The following ABCA12 variants were observed in gnomAD, a reference collection of about 807,000 sequenced individuals.
The protein encoded by ABCA12 is ATP binding cassette subfamily A member 12, also known as glucosylceramide transporter ABCA12.
A neutral mutation model predicts 293.5 loss-of-function variants in ABCA12; 156 were observed. The ratio of observed to expected loss-of-function variants is 0.53; its 90% CI spans 0.47 to 0.61. The LOEUF is 0.61. ABCA12 is among the 20% of genes least tolerant of loss of function. The pLI is 0.00. For synonymous variants in ABCA12, 1,063 were observed against 1,108.0 expected (o/e 0.96, Z 0.81); for missense variants, 2,797 against 3,090.2 (o/e 0.91, Z 2.25).
intron 33 of ABCA12, 82 bp from the exon 34 acceptor site, chr2:214,976,119 G>C: frequency 1.3e-6 from 2 of 1,539,802 alleles, no homozygotes; most frequent in Non-Finnish European, 1.8e-6. Flanking sequence ...TATATAAATG[G>C]TATAATACAC....
Position 215,105,277 on chromosome 2 carries a change from A to C in ABCA12, c.163+6320T>G, listed in dbSNP as rs73074491. On this transcript the variant is annotated intron_variant, in intron 2 of 52. Coordinates refer to ENST00000272895, the MANE Select transcript of ABCA12 (RefSeq NM_173076.3). Reference sequence around the variant, plus strand: ...AAAATTGATTGGGGTTTGAGTGATCAGACAAGGCTAAATGGGAGTACCCTG... The same window carrying C: ...AAAATTGATTGGGGTTTGAGTGATCCGACAAGGCTAAATGGGAGTACCCTG... Among the ~76,000 whole-genome samples the C allele has an allele frequency of 4.5e-3, 685 of 152,296 alleles. 9 individuals are homozygous for C. The highest frequency in any genetic ancestry group is 0.016 in the African/African-American group (665 of 41,574).
At chr2:214,978,110 T>C (rs1013472253) in intron 33 of ABCA12, among the ~76,000 whole-genome samples, 1 of 152,182 alleles carries the variant, frequency 6.6e-6, no homozygotes, top group African/African-American at 2.4e-5. Flanking sequence ...TCTTTCACAT[T>C]CTTCAAAGTA....
At chr2:214,940,666 G>A (rs1277335920) in intron 50 of ABCA12, among the ~76,000 whole-genome samples, 1 of 152,124 alleles carries the variant, frequency 6.6e-6, no homozygotes, top group Non-Finnish European at 1.5e-5. Context: ...GGTCTATTGA[G>A]GGATTTGACT....
At chr2:215,086,937 A>G (rs572019013) in intron 2 of ABCA12, among the ~76,000 whole-genome samples, 2 of 150,954 alleles carry the variant, frequency 1.3e-5, no homozygotes, top group African/African-American at 4.9e-5. Flanking sequence ...TATTATTATT[A>G]TTATTATTAT....
intron 1 of ABCA12, among the ~76,000 whole-genome samples, chr2:215,114,096 T>A (rs1436485608): frequency 6.6e-6 from 1 of 152,144 alleles, no homozygotes; most frequent in Non-Finnish European, 1.5e-5. Context: ...TGCCTCAGCC[T>A]CCAGAGTAGC....
chr2:215,095,751 C>T (rs1289820795), intron 2 of ABCA12, among the ~76,000 whole-genome samples: 4 of 136,816 alleles, frequency 2.9e-5, no homozygotes, highest in East Asian at 1.9e-4. Flanking sequence ...TGAAAATGAC[C>T]GGTTCCTGCC....
rs1423637299 is a variant in ABCA12, at chr2:215,070,388, T to A, written c.164-6169A>T. 2.0e-5 allele frequency among the ~76,000 whole-genome samples: 3 copies of A among 151,888 alleles called. 1 individual carries two copies. Among genetic ancestry groups the A allele is most frequent in the South Asian group, 2.1e-4 (1 of 4,810 alleles). ...AAAAATCGTTCATCTTTTTTTTAAA[T>A]GTTTTTATTATTATTATACTTTAAG... On this transcript the variant is annotated intron_variant, in intron 2 of 52. Transcript: ENST00000272895.
chr2:215,074,140 T>G (rs563292470), intron 2 of ABCA12, among the ~76,000 whole-genome samples: 1 of 152,288 alleles, frequency 6.6e-6, no homozygotes, highest in Non-Finnish European at 1.5e-5. Context: ...GGGCACACTT[T>G]GGAAAACAGA....
At chr2:215,037,842 T>C (rs1446146041) in intron 7 of ABCA12, among the ~76,000 whole-genome samples, 1 of 152,204 alleles carries the variant, frequency 6.6e-6, no homozygotes, top group Non-Finnish European at 1.5e-5. Flanking sequence ...CTACATTATA[T>C]AAGTACTGTG....
chr2:215,062,428 C>T (rs961912967), intron 3 of ABCA12, among the ~76,000 whole-genome samples: 4 of 152,090 alleles, frequency 2.6e-5, no homozygotes, highest in South Asian at 2.1e-4. Context: ...AGAACTGTGC[C>T]GTTCTCATAG....
chr2:214,982,359 A>G lies in ABCA12; in HGVS notation c.4407T>C (p.Tyr1469=), dbSNP rs1699687191. 2.2e-5 allele frequency: 35 copies of G among 1,613,874 alleles called. No homozygotes were observed. The highest frequency in any genetic ancestry group is 2.9e-5 in the Non-Finnish European group (34 of 1,179,910). The change falls in exon 30 of 53, where the codon TAT becomes TAC. Residue 1469 remains tyrosine (Y), a synonymous_variant. Coordinates refer to ENST00000272895, the MANE Select transcript of ABCA12 (RefSeq NM_173076.3). ...VKRTLKDTGL[Y]SHRHKRVGTL... Reference sequence around the variant, plus strand: ...TTCCAACTCTCTTATGACGATGGCTATATAGTCCAGTATCTTTTAAAGTCC... The same window carrying G: ...TTCCAACTCTCTTATGACGATGGCTGTATAGTCCAGTATCTTTTAAAGTCC...
chr2:215,047,813 T>C (rs1381692557), intron 6 of ABCA12, among the ~76,000 whole-genome samples: 1 of 152,036 alleles, frequency 6.6e-6, no homozygotes, highest in Non-Finnish European at 1.5e-5. Context: ...AAGCAAAAGT[T>C]GACAAATGGG....
At chr2:214,960,290 T>A (rs1387200695) in intron 39 of ABCA12, 5 of 152,178 alleles carry the variant, frequency 3.3e-5, no homozygotes, top group African/African-American at 1.2e-4. Flanking sequence ...GGGGCCCTTT[T>A]TAACTGAGAT....
At chr2:215,011,395 T>TGTC in intron 17 of ABCA12, 44 bp downstream of exon 17, 2 of 1,397,134 alleles carry the variant, frequency 1.4e-6, no homozygotes, top group Non-Finnish European at 1.0e-6. Context: ...GTATTCTTAT[T>TGTC]GTCATTAAGG....
At chr2:215,021,311 AT>A (rs1235529964) in intron 11 of ABCA12, among the ~76,000 whole-genome samples, 1 of 152,184 alleles carries the variant, frequency 6.6e-6, no homozygotes, top group Non-Finnish European at 1.5e-5. Context: ...TCTCTTAGGT[AT>A]TACAGGATAC....
At chr2:214,944,069 G>A (rs1475008861) in intron 49 of ABCA12, among the ~76,000 whole-genome samples, 1 of 152,168 alleles carries the variant, frequency 6.6e-6, no homozygotes, top group Non-Finnish European at 1.5e-5. Context: ...AGGTATGTGA[G>A]CTGGTTCTGG....
At chr2:214,972,959 G>A (rs373950774) in intron 36 of ABCA12, among the ~76,000 whole-genome samples, 15 of 151,876 alleles carry the variant, frequency 9.9e-5, no homozygotes, top group Non-Finnish European at 1.5e-4. Flanking sequence ...GACCACAGAC[G>A]CGTGTCACCA....
At chr2:214,943,183 G>A (rs1048369258) in intron 49 of ABCA12, among the ~76,000 whole-genome samples, 166 bp from the exon 50 acceptor site, 34 of 152,098 alleles carry the variant, frequency 2.2e-4, no homozygotes, top group African/African-American at 8.0e-4. Context: ...TGTTGCCCAG[G>A]CTAGAGTGCA....
At chr2:214,979,174 T>TA (rs2105962484) in intron 31 of ABCA12, 134 bp from the exon 32 acceptor site, 1 of 803,370 alleles carries the variant, frequency 1.2e-6, no homozygotes, top group Non-Finnish European at 2.1e-6. Context: ...ATCACTGCTC[T>TA]AGAGACCCCT....
Sources: allele counts gnomAD v4.1 joint callset (sites outside exome capture counted in the v4.1 genomes callset), GRCh38; gene constraint gnomAD v4.1.1; transcripts MANE v1.5; gene names NCBI Gene and HGNC (gene_info 2026-07-23, HGNC 2026-07-21).